Variants in SPMIP2 observed in about 807,000 individuals in gnomAD.
SPMIP2 encodes protein SPMIP2.
the SPMIP2 span, among the ~76,000 whole-genome samples, chr4:159,068,308 C>T: frequency 2.6e-5 from 4 of 152,274 alleles, no homozygotes; most frequent in African/African-American, 9.6e-5. Context: ...GGCACATATA[C>T]ACCATGGAAT....
At chr4:159,068,392 C>T in the SPMIP2 span, among the ~76,000 whole-genome samples, 1 of 151,842 alleles carries the variant, frequency 6.6e-6, no homozygotes, top group Non-Finnish European at 1.5e-5. Flanking sequence ...CCATCATTCT[C>T]AGCAAACTAT....
chr4:159,025,851 G>C, the SPMIP2 span, among the ~76,000 whole-genome samples: 2 of 152,142 alleles, frequency 1.3e-5, no homozygotes, highest in African/African-American at 4.8e-5. Flanking sequence ...TAAGGGGAAA[G>C]CCGACATTGG....
chr4:158,985,219 T>G, the SPMIP2 span, among the ~76,000 whole-genome samples: 14 of 144,810 alleles, frequency 9.7e-5, no homozygotes, highest in African/African-American at 3.1e-4. Flanking sequence ...GAGGAACTGG[T>G]ACCATTCCTT....
At chr4:158,992,362 G>A in the SPMIP2 span, among the ~76,000 whole-genome samples, 448 of 152,306 alleles carry the variant, frequency 2.9e-3, 1 homozygote, top group African/African-American at 0.011. Context: ...GTTCTGATAA[G>A]ACTTATGGTA....
the SPMIP2 span, among the ~76,000 whole-genome samples, chr4:159,037,827 C>CACACACATAT: frequency 7.7e-4 from 97 of 126,004 alleles, no homozygotes; most frequent in Admixed American, 1.8e-3. Flanking sequence ...CACACACACA[C>CACACACATAT]ATATATATAT....
the SPMIP2 span, among the ~76,000 whole-genome samples, chr4:158,955,171 A>C: frequency 6.6e-6 from 1 of 152,116 alleles, no homozygotes; most frequent in Non-Finnish European, 1.5e-5. Flanking sequence ...CACACAACAA[A>C]AATGAGTTAA....
the SPMIP2 span, among the ~76,000 whole-genome samples, chr4:158,938,924 TATTAGA>T: frequency 2.0e-5 from 3 of 152,228 alleles, no homozygotes; most frequent in African/African-American, 7.2e-5. Flanking sequence ...TAGGGTCATC[TATTAGA>T]AGTGTTGAAT....
At chr4:159,048,797 A>G in the SPMIP2 span, among the ~76,000 whole-genome samples, 1 of 125,570 alleles carries the variant, frequency 8.0e-6, no homozygotes, top group African/African-American at 3.2e-5. Flanking sequence ...TCTAACTTCT[A>G]GGCTCAAGTG....
At chr4:159,082,449 C>G in the SPMIP2 span, among the ~76,000 whole-genome samples, 10 of 111,662 alleles carry the variant, frequency 9.0e-5, no homozygotes, top group South Asian at 3.0e-4. Context: ...CCACTTTTCT[C>G]TGTGTGTGTG....
At chr4:159,053,119 GC>G in the SPMIP2 span, among the ~76,000 whole-genome samples, 1 of 149,908 alleles carries the variant, frequency 6.7e-6, no homozygotes, top group Admixed American at 6.6e-5. Context: ...ACTACGCCCG[GC>G]TAATTTTTTG....
the SPMIP2 span, among the ~76,000 whole-genome samples, chr4:159,029,518 A>G: frequency 0.43 from 65,550 of 152,096 alleles, 14,413 homozygotes; most frequent in African/African-American, 0.47. Flanking sequence ...CAATTCCTTT[A>G]TTAATTGAAA....
chr4:159,033,331 G>C, the SPMIP2 span, among the ~76,000 whole-genome samples: 2 of 152,124 alleles, frequency 1.3e-5, no homozygotes, highest in South Asian at 4.1e-4. Context: ...TGAAGCACAA[G>C]AGATTTTTTA....
the SPMIP2 span, among the ~76,000 whole-genome samples, chr4:158,930,630 T>G: frequency 6.7e-6 from 1 of 149,992 alleles, no homozygotes; most frequent in African/African-American, 2.5e-5. Flanking sequence ...AATTTAGGAC[T>G]ACAGGCATGC....
the SPMIP2 span, among the ~76,000 whole-genome samples, chr4:158,914,408 T>G: frequency 7.9e-5 from 12 of 152,328 alleles, no homozygotes; most frequent in Non-Finnish European, 1.5e-4. Flanking sequence ...GTGAGTAATA[T>G]TCTAGTGAAT....
chr4:158,965,546 G>A, the SPMIP2 span, among the ~76,000 whole-genome samples: 80,846 of 151,886 alleles, frequency 0.53, 22,685 homozygotes, highest in South Asian at 0.64. Flanking sequence ...CTAAGGTTAG[G>A]AAGTATGCTC....
the SPMIP2 span, among the ~76,000 whole-genome samples, chr4:159,027,558 T>G: frequency 1.3e-5 from 2 of 152,244 alleles, no homozygotes; most frequent in Non-Finnish European, 2.9e-5. Flanking sequence ...TGTAAGCTTT[T>G]GTCATGAATT....
At chr4:158,978,168 C>A in the SPMIP2 span, among the ~76,000 whole-genome samples, 1 of 152,112 alleles carries the variant, frequency 6.6e-6, no homozygotes, top group Admixed American at 6.6e-5. Context: ...GCCTTCATTT[C>A]GTTATTTACC....
chr4:158,927,692 AGGT>A, the SPMIP2 span, among the ~76,000 whole-genome samples: 1 of 152,052 alleles, frequency 6.6e-6, no homozygotes, highest in Non-Finnish European at 1.5e-5. Context: ...GCTTGCAGGG[AGGT>A]GTGGAGGGAG....
chr4:159,017,330 T>C, the SPMIP2 span, among the ~76,000 whole-genome samples: 1 of 139,152 alleles, frequency 7.2e-6, no homozygotes, highest in Admixed American at 7.7e-5. Context: ...CTATGAACAG[T>C]AAGACAAAAC....
Sources: allele counts gnomAD v4.1 joint callset (sites outside exome capture counted in the v4.1 genomes callset), GRCh38; gene constraint gnomAD v4.1.1; transcripts MANE v1.5; gene names NCBI Gene and HGNC (gene_info 2026-07-23, HGNC 2026-07-21).